SCRN3: variants seen among roughly 807,000 people sequenced by gnomAD.
The protein encoded by SCRN3 is secernin-3.
SCRN3 carries 39 observed loss-of-function variants against 43.1 expected under a neutral mutation model. The observed-to-expected ratio is 0.91, with a 90% CI of 0.70 to 1.18. The LOEUF is 1.18. Among genes scored for constraint, SCRN3 ranks in the 50% most tolerant of loss-of-function variants. The probability of loss-of-function intolerance (pLI) is 0.00; values close to 1 mark genes in which losing one functional copy is unlikely to be tolerated. For missense variants in SCRN3, 484 were observed against 498.0 expected (o/e 0.97, Z 0.27); for synonymous variants, 147 against 163.1 (o/e 0.90, Z 0.75).
intron 7 of SCRN3, among the ~76,000 whole-genome samples, chr2:174,425,068 C>T (rs1385509101): frequency 2.0e-5 from 3 of 152,086 alleles, no homozygotes; most frequent in African/African-American, 7.2e-5. Flanking sequence ...AGCGGTTGAC[C>T]TGGTTTCTTA....
chr2:174,416,614 A>G (rs569239850), intron 5 of SCRN3, among the ~76,000 whole-genome samples: 2 of 152,302 alleles, frequency 1.3e-5, no homozygotes, highest in South Asian at 4.1e-4. Flanking sequence ...AGGGTGGAGC[A>G]TAGGGTAGGA....
At chr2:174,427,526 C>G (rs1475332553) in intron 7 of SCRN3, among the ~76,000 whole-genome samples, 187 bp from the exon 8 acceptor site, 1 of 152,056 alleles carries the variant, frequency 6.6e-6, no homozygotes, top group African/African-American at 2.4e-5. Context: ...CATGCATTAA[C>G]TCAATCTAGA....
chr2:174,395,886 C>T lies in SCRN3; in HGVS notation c.-10+69C>T. The T allele has an allele frequency of 2.1e-6, 3 of 1,444,614 alleles. No homozygotes were observed. In the Admixed American group the frequency reaches 8.7e-5, roughly 42 times the overall value. The allele number at this position is 1,444,614 out of a possible 1,614,324, so 89.5% of individuals were successfully genotyped here. On this transcript the variant is annotated intron_variant, in intron 1 of 7. Coordinates refer to ENST00000272732, the MANE Select transcript of SCRN3 (RefSeq NM_024583.5). ...AAACCCGGAAGACCCAACTGTGGCG[C>T]GGCACTGCTTGACCGAGGGGCTCCG...
chr2:174,424,556 T>G lies in SCRN3; in HGVS notation c.999T>G (p.Asp333Glu), dbSNP rs770307357. The G allele has an allele frequency of 7.4e-6, 12 of 1,613,360 alleles. No homozygotes were observed. The highest frequency in any genetic ancestry group is 9.3e-6 in the Non-Finnish European group (11 of 1,179,474). ...DTSSPTFELE[D>E]LVKKKSHFKP... ...GTTCACCAACATTTGAACTTGAAGA[T>G]CTAGTTAAAAAGAAATCACATTTTA... The change falls in exon 7 of 8, where the codon GAT (aspartate) becomes GAG (glutamate). Residue 333 changes from aspartate (D) to glutamate (E), a missense_variant. Asp to Glu is a conservative substitution (Grantham distance 45). Transcript: ENST00000272732.
At chr2:174,422,104 CTATAT>C (rs1686312510) in intron 5 of SCRN3, among the ~76,000 whole-genome samples, 3 of 152,116 alleles carry the variant, frequency 2.0e-5, no homozygotes, top group Admixed American at 6.5e-5. Flanking sequence ...TCATCAGTAA[CTATAT>C]TATATTTACT....
intron 6 of SCRN3, 106 bp downstream of exon 6, chr2:174,423,153 C>G (rs1686355354): frequency 2.5e-6 from 2 of 793,798 alleles, no homozygotes; most frequent in East Asian, 2.7e-5. Flanking sequence ...ACAACTAGGA[C>G]AATAATTTTT....
intron 1 of SCRN3, chr2:174,397,154 C>T (rs768690371): frequency 8.6e-5 from 84 of 978,356 alleles, no homozygotes; most frequent in Non-Finnish European, 1.0e-4. Flanking sequence ...AGAGGAAAAC[C>T]CTTAAGAGTT....
rs1043953786 is a variant in SCRN3, at chr2:174,399,981, A to G, written c.219A>G (p.Pro73=). The G allele has an allele frequency of 6.3e-7, 1 of 1,587,060 alleles. No homozygotes were observed. Among genetic ancestry groups the G allele is most frequent in the East Asian group, 2.4e-5 (1 of 42,338 alleles). Residue 73 remains proline, a synonymous_variant, in exon 3 of 8, where the codon CCA becomes CCG. Coordinates refer to ENST00000272732, the MANE Select transcript of SCRN3 (RefSeq NM_024583.5). ...CATATGCTGTTGTCCTGAGTCGCCC[A>G]GCGTGGTTGTGGGGGGCAGAAATGG... The part of the protein sequence containing the change: ...PETYAVVLSR[P]AWLWGAEMGA...
At chr2:174,397,100 T>C (rs1685348426) in intron 1 of SCRN3, 1 of 982,910 alleles carries the variant, frequency 1.0e-6, no homozygotes, top group Non-Finnish European at 1.2e-6. Context: ...AGAAAGAAAA[T>C]AACAGAAGCC....
At chr2:174,410,425 C>G (rs1266032726) in intron 5 of SCRN3, 1 of 154,160 alleles carries the variant, frequency 6.5e-6, no homozygotes, top group Non-Finnish European at 1.4e-5. Flanking sequence ...TCTTCTGCGT[C>G]GCTCACGCTG....
In SCRN3 at chr2:174,409,162, T is replaced by C. The variant is rs1305426535; in HGVS notation, c.754+4847T>C. 4.0e-5 allele frequency among the ~76,000 whole-genome samples: 5 copies of C among 125,034 alleles called. No homozygotes were observed. The South Asian group carries it at 1.1e-3, about 27-fold the overall frequency. 82.0% of individuals were successfully genotyped at this position (125,034 alleles called of 152,430 possible). On this transcript the variant is annotated intron_variant, in intron 5 of 7. Coordinates refer to ENST00000272732, the MANE Select transcript of SCRN3 (RefSeq NM_024583.5). ...TCTTGGAGGCTTTGCTCATTTCTTT[T>C]TATTCTTTTTTCTCTAAACTTCCCT...
intron 5 of SCRN3, among the ~76,000 whole-genome samples, chr2:174,420,073 C>T (rs751787087): frequency 1.3e-4 from 20 of 152,172 alleles, no homozygotes; most frequent in Middle Eastern, 3.4e-3. Flanking sequence ...AGTTTCTTAA[C>T]GCAATTGCCA....
At chr2:174,421,974 T>C (rs536554990) in intron 5 of SCRN3, among the ~76,000 whole-genome samples, 1 of 151,776 alleles carries the variant, frequency 6.6e-6, no homozygotes, top group South Asian at 2.1e-4. Context: ...AATAATAAGC[T>C]GATGGGAGAA....
intron 5 of SCRN3, among the ~76,000 whole-genome samples, chr2:174,413,485 T>C (rs971956518): frequency 6.6e-6 from 1 of 152,072 alleles, no homozygotes; most frequent in Admixed American, 6.6e-5. Context: ...AGCAATCAGA[T>C]GGAGATTTGG....
chr2:174,401,521 C>T (rs1422598905), intron 4 of SCRN3, among the ~76,000 whole-genome samples: 2 of 152,120 alleles, frequency 1.3e-5, no homozygotes, highest in Non-Finnish European at 2.9e-5. Flanking sequence ...GGCTGCACTC[C>T]AAAATCTTAT....
At chr2:174,412,242 G>A (rs73022129) in intron 5 of SCRN3, among the ~76,000 whole-genome samples, 1,936 of 152,166 alleles carry the variant, frequency 0.013, 44 homozygotes, top group African/African-American at 0.043. Flanking sequence ...TCCCAGAACC[G>A]TGTACTGGGT....
chr2:174,402,298 T>C (rs943651866), intron 4 of SCRN3, among the ~76,000 whole-genome samples: 2 of 152,202 alleles, frequency 1.3e-5, no homozygotes, highest in Non-Finnish European at 2.9e-5. Flanking sequence ...GGTCTCATTG[T>C]CTAGCTGTAG....
intron 5 of SCRN3, among the ~76,000 whole-genome samples, chr2:174,420,114 C>T (rs925774349): frequency 1.3e-5 from 2 of 152,038 alleles, no homozygotes; most frequent in Admixed American, 1.3e-4. Flanking sequence ...TAGGATGAGA[C>T]ACAACACTGA....
chr2:174,414,663 T>A (rs1686039544), intron 5 of SCRN3, among the ~76,000 whole-genome samples: 1 of 152,176 alleles, frequency 6.6e-6, no homozygotes, highest in African/African-American at 2.4e-5. Context: ...AGCTATCAAA[T>A]CCCTGTTATT....
Sources: allele counts gnomAD v4.1 joint callset (sites outside exome capture counted in the v4.1 genomes callset), GRCh38; gene constraint gnomAD v4.1.1; transcripts MANE v1.5; gene names NCBI Gene and HGNC (gene_info 2026-07-23, HGNC 2026-07-21).